Variants in CADPS2 observed in about 807,000 individuals in gnomAD.
The protein encoded by CADPS2 is calcium-dependent secretion activator 2.
A neutral mutation model predicts 172.5 loss-of-function variants in CADPS2; 93 were observed. The ratio of observed to expected loss-of-function variants is 0.54; its 90% CI spans 0.46 to 0.64. The LOEUF (loss-of-function observed/expected upper bound fraction) is 0.64, where lower values mean the gene tolerates loss of function less well. Ranked by LOEUF, CADPS2 falls within the 30% of genes least tolerant of loss-of-function variation. The pLI is 0.00. For missense variants in CADPS2, 1,420 were observed against 1,565.9 expected (o/e 0.91, Z 1.57); for synonymous variants, 546 against 555.2 (o/e 0.98, Z 0.23).
chr7:122,571,949 C>T (rs950113414), intron 7 of CADPS2, among the ~76,000 whole-genome samples: 7 of 151,918 alleles, frequency 4.6e-5, no homozygotes, highest in African/African-American at 1.7e-4. Flanking sequence ...CAAATAATTA[C>T]AAAAAAATTA....
chr7:122,704,156 T>C (rs2086615357), intron 2 of CADPS2, among the ~76,000 whole-genome samples: 3 of 152,132 alleles, frequency 2.0e-5, no homozygotes, highest in Admixed American at 6.6e-5. Context: ...ATAGACATGA[T>C]AGAGTTTTCT....
At chr7:122,732,729 C>A (rs12674113) in intron 2 of CADPS2, among the ~76,000 whole-genome samples, 115,057 of 143,270 alleles carry the variant, frequency 0.8, 46,683 homozygotes, top group Middle Eastern at 0.9. Context: ...TATTACATAT[C>A]ATTATATATT....
At chr7:122,619,211 A>T (rs1271179723) in intron 5 of CADPS2, among the ~76,000 whole-genome samples, 1 of 152,204 alleles carries the variant, frequency 6.6e-6, no homozygotes, top group African/African-American at 2.4e-5. Context: ...AGATTTTTGA[A>T]CAATAGAGAA....
At chr7:122,596,658 A>T (rs1192502628) in intron 6 of CADPS2, among the ~76,000 whole-genome samples, 2 of 152,106 alleles carry the variant, frequency 1.3e-5, no homozygotes, top group Non-Finnish European at 2.9e-5. Flanking sequence ...TCCCCACTGT[A>T]AACAACATTG....
At chr7:122,327,572 T>C (rs899458962) in intron 28 of CADPS2, among the ~76,000 whole-genome samples, 60 of 152,226 alleles carry the variant, frequency 3.9e-4, no homozygotes, top group African/African-American at 1.4e-3. Context: ...AAAAACTTTC[T>C]TAAAATTACT....
At chr7:122,537,777 C>T (rs2062459962) in intron 8 of CADPS2, among the ~76,000 whole-genome samples, 2 of 151,284 alleles carry the variant, frequency 1.3e-5, no homozygotes, top group East Asian at 1.9e-4. Context: ...ATGTATTAGT[C>T]CTTTGAAAAG....
chr7:122,726,839 A>G (rs1206505049), intron 2 of CADPS2, among the ~76,000 whole-genome samples: 2 of 151,826 alleles, frequency 1.3e-5, no homozygotes, highest in Non-Finnish European at 2.9e-5. Context: ...ATAACTAACT[A>G]TAGGTGTTCA....
At chr7:122,885,862 A>G in intron 1 of CADPS2, 137 bp downstream of exon 1, 1 of 1,073,662 alleles carries the variant, frequency 9.3e-7, no homozygotes, top group African/African-American at 1.6e-5. Context: ...TTGTCCCCAA[A>G]GATTCCTCTG....
chr7:122,545,779 C>A (rs1052261883), intron 8 of CADPS2, among the ~76,000 whole-genome samples: 1 of 152,008 alleles, frequency 6.6e-6, no homozygotes, highest in African/African-American at 2.4e-5. Context: ...AAAGATCAAT[C>A]GAACTGACAG....
chr7:122,568,818 G>GA (rs1287827177), intron 7 of CADPS2, among the ~76,000 whole-genome samples: 9 of 152,078 alleles, frequency 5.9e-5, no homozygotes, highest in South Asian at 2.1e-4. Flanking sequence ...GAGCCAAAAA[G>GA]AAAAAAATCA....
At chr7:122,404,542 G>T (rs1441980654) in intron 20 of CADPS2, among the ~76,000 whole-genome samples, 1 of 152,116 alleles carries the variant, frequency 6.6e-6, no homozygotes, top group Non-Finnish European at 1.5e-5. Context: ...AGTATTTCTA[G>T]TTCTAGGTCC....
intron 3 of CADPS2, among the ~76,000 whole-genome samples, chr7:122,662,192 AAC>A (rs1418905957): frequency 1.3e-5 from 2 of 152,234 alleles, no homozygotes; most frequent in Non-Finnish European, 2.9e-5. Context: ...CTCTTAAGGT[AAC>A]ACAAAAATTT....
At chr7:122,381,074 A>G (rs2042941525) in intron 24 of CADPS2, among the ~76,000 whole-genome samples, 1 of 152,130 alleles carries the variant, frequency 6.6e-6, no homozygotes, top group African/African-American at 2.4e-5. Flanking sequence ...ATCTGAGACC[A>G]GCTGAACAAT....
chr7:122,750,978 T>A (rs2138380768), intron 1 of CADPS2, among the ~76,000 whole-genome samples: 1 of 152,260 alleles, frequency 6.6e-6, no homozygotes, highest in Non-Finnish European at 1.5e-5. Context: ...CCCTAAAATT[T>A]TTTTTGGACC....
At chr7:122,445,732 T>C (rs2052087532) in intron 15 of CADPS2, among the ~76,000 whole-genome samples, 1 of 152,060 alleles carries the variant, frequency 6.6e-6, no homozygotes, top group Non-Finnish European at 1.5e-5. Context: ...GGAGGATCGC[T>C]TGAGCCTGGG....
intron 6 of CADPS2, among the ~76,000 whole-genome samples, chr7:122,602,219 TC>T (rs1047930557): frequency 1.6e-4 from 25 of 152,058 alleles, no homozygotes; most frequent in African/African-American, 5.5e-4. Flanking sequence ...TTTATTTTTT[TC>T]ATATGGGAAT....
intron 1 of CADPS2, among the ~76,000 whole-genome samples, chr7:122,833,220 T>C (rs568623641): frequency 5.3e-5 from 8 of 152,354 alleles, no homozygotes; most frequent in African/African-American, 1.9e-4. Flanking sequence ...TCTAATCTAA[T>C]AGATGGAAAT....
At chr7:122,356,489 C>T (rs1382058707) in intron 27 of CADPS2, among the ~76,000 whole-genome samples, 2 of 152,122 alleles carry the variant, frequency 1.3e-5, no homozygotes, top group South Asian at 2.1e-4. Flanking sequence ...GAAGTTTATT[C>T]TCCCCATCTT....
chr7:122,760,158 T>C (rs957759492), intron 1 of CADPS2, among the ~76,000 whole-genome samples: 1 of 151,988 alleles, frequency 6.6e-6, no homozygotes, highest in Non-Finnish European at 1.5e-5. Context: ...AAGCAAACTA[T>C]ATAATTATAA....
Sources: allele counts gnomAD v4.1 joint callset (sites outside exome capture counted in the v4.1 genomes callset), GRCh38; gene constraint gnomAD v4.1.1; transcripts MANE v1.5; gene names NCBI Gene and HGNC (gene_info 2026-07-23, HGNC 2026-07-21).